ANKS1B: variants seen among roughly 807,000 people sequenced by gnomAD.
ANKS1B encodes the protein ankyrin repeat and sterile alpha motif domain-containing protein 1B.
ANKS1B carries 36 observed loss-of-function variants against 148.3 expected under a neutral mutation model. The ratio of observed to expected loss-of-function variants is 0.24; its 90% confidence interval spans 0.19 to 0.32. ANKS1B has a LOEUF of 0.32. Ranked by LOEUF, ANKS1B falls within the 10% of genes least tolerant of loss-of-function variation. ANKS1B has a pLI of 1.00. For missense variants in ANKS1B, 1,157 were observed against 1,542.6 expected, an observed-to-expected ratio of 0.75 and a Z score of 4.19; for synonymous variants, 542 against 560.8, an observed-to-expected ratio of 0.97 and a Z score of 0.47.
chr12:98,837,175 C>CAAA (rs11382425), intron 17 of ANKS1B, among the ~76,000 whole-genome samples: 15 of 145,706 alleles, frequency 1.0e-4, no homozygotes, highest in African/African-American at 3.3e-4. Context: ...ATTAAAAATA[C>CAAA]AAAAAAAAAA....
intron 9 of ANKS1B, among the ~76,000 whole-genome samples, chr12:99,563,393 C>T (rs753580226): frequency 1.2e-4 from 19 of 152,246 alleles, no homozygotes; most frequent in Non-Finnish European, 2.2e-4. Context: ...CACTTAAGAG[C>T]CCATTGCAGG....
intron 17 of ANKS1B, among the ~76,000 whole-genome samples, chr12:99,023,995 A>G (rs2099947305): frequency 6.6e-6 from 1 of 150,834 alleles, no homozygotes; most frequent in East Asian, 1.9e-4. Flanking sequence ...TTACATATAT[A>G]TATTTGTTGT....
At chr12:99,465,897 T>C (rs2096099178) in intron 10 of ANKS1B, among the ~76,000 whole-genome samples, 1 of 151,978 alleles carries the variant, frequency 6.6e-6, no homozygotes, top group Non-Finnish European at 1.5e-5. Context: ...GACAGAAAGT[T>C]AACAAGAATA....
chr12:98,813,228 T>C (rs1339581936), intron 19 of ANKS1B, among the ~76,000 whole-genome samples: 2 of 151,734 alleles, frequency 1.3e-5, no homozygotes, highest in East Asian at 3.9e-4. Context: ...TTTTTTTTTC[T>C]TGAGATGGAG....
At chr12:99,852,772 T>A (rs1185960302) in intron 1 of ANKS1B, among the ~76,000 whole-genome samples, 1 of 152,230 alleles carries the variant, frequency 6.6e-6, no homozygotes, top group Non-Finnish European at 1.5e-5. Flanking sequence ...GCAGAGGAAC[T>A]GTAAGTCTAC....
At chr12:99,141,416 TC>T (rs1439333654) in intron 15 of ANKS1B, among the ~76,000 whole-genome samples, 1 of 151,832 alleles carries the variant, frequency 6.6e-6, no homozygotes, top group East Asian at 1.9e-4. Context: ...TTTTTTTTTT[TC>T]ACCTTCAACT....
chr12:98,752,814 G>A (rs1227938742), intron 25 of ANKS1B, among the ~76,000 whole-genome samples: 1 of 152,102 alleles, frequency 6.6e-6, no homozygotes, highest in Non-Finnish European at 1.5e-5. Context: ...CTTCAACCTT[G>A]CCTGTGAGGA....
chr12:99,058,800 C>T (rs1336804604), intron 16 of ANKS1B, among the ~76,000 whole-genome samples: 3 of 130,264 alleles, frequency 2.3e-5, no homozygotes, highest in Non-Finnish European at 3.1e-5. Flanking sequence ...TGCAGTGGCG[C>T]GATCTCGGCT....
Position 99,984,380 on chromosome 12 carries a change from C to T in ANKS1B, c.-143G>A. 3 of 638,164 alleles carry T rather than the reference C, an allele frequency of 4.7e-6. No homozygotes were observed. The South Asian group carries it at 6.6e-5, about 14-fold the overall frequency. 39.5% of individuals were successfully genotyped at this position (638,164 alleles called of 1,614,324 possible). On this transcript the variant is annotated 5_prime_UTR_variant, in exon 1 of 27. Coordinates refer to ENST00000683438, the MANE Select transcript of ANKS1B (RefSeq NM_001352186.2). ...TCAGCACGGAGAGCTCCCTGCAGCC[C>T]CAGGCAGGGAGCACGACTCTCTCCT... is the stretch of plus-strand genomic sequence containing the variant.
chr12:99,803,297 A>G (rs1215504965), intron 4 of ANKS1B, among the ~76,000 whole-genome samples: 1 of 133,820 alleles, frequency 7.5e-6, no homozygotes, highest in African/African-American at 2.7e-5. Context: ...AAAAAAAGGC[A>G]ATGAGACCAA....
chr12:99,785,660 T>G (rs1270149699), intron 4 of ANKS1B, among the ~76,000 whole-genome samples: 1 of 152,156 alleles, frequency 6.6e-6, no homozygotes, highest in Non-Finnish European at 1.5e-5. Context: ...CTTGAACTCC[T>G]GACCTCAAAT....
Position 99,867,064 on chromosome 12 carries a change from C to T in ANKS1B, c.135-41675G>A, listed in dbSNP as rs1452548697. ...AGTAATCTCACAGTAATTTAAAGGTCAAAGTTTACAGTTATCTTAAATTTT... is the reference window on the plus strand; with the variant it reads ...AGTAATCTCACAGTAATTTAAAGGTTAAAGTTTACAGTTATCTTAAATTTT... On this transcript the variant is annotated intron_variant, in intron 1 of 26. Transcript: ENST00000683438. 2.6e-5 allele frequency among the ~76,000 whole-genome samples: 4 copies of T among 152,172 alleles called. No homozygotes were observed. In the East Asian group the frequency reaches 7.7e-4, roughly 29 times the overall value.
At chr12:99,841,287 C>T (rs574480817) in intron 1 of ANKS1B, among the ~76,000 whole-genome samples, 3 of 152,004 alleles carry the variant, frequency 2.0e-5, no homozygotes, top group South Asian at 2.1e-4. Flanking sequence ...ATATCTTTCA[C>T]GATGGTCATA....
intron 17 of ANKS1B, chr12:98,894,528 T>C: frequency 1.0e-6 from 1 of 973,218 alleles, no homozygotes; most frequent in Non-Finnish European, 1.2e-6. Context: ...CTTGCCCGAC[T>C]CGGCTTCCTC....
chr12:99,885,105 C>T (rs2092751847), intron 1 of ANKS1B, among the ~76,000 whole-genome samples: 1 of 151,896 alleles, frequency 6.6e-6, no homozygotes, highest in East Asian at 1.9e-4. Context: ...TTTCAAGATC[C>T]TGCCTTTTCA....
At chr12:98,984,487 G>A (rs1250823507) in intron 17 of ANKS1B, among the ~76,000 whole-genome samples, 1 of 152,152 alleles carries the variant, frequency 6.6e-6, no homozygotes, top group Non-Finnish European at 1.5e-5. Flanking sequence ...AAATCAGGCT[G>A]TAGCTTTAAC....
In ANKS1B at chr12:98,794,884, G is replaced by A. The variant is rs2098933676; in HGVS notation, c.3342+4050C>T. Reference sequence around the variant, plus strand: ...CAAGCAAAACATCCATCTTATCCGAGCCCCTCTTGCAGGCAAAGGGAAGCA... The same window carrying A: ...CAAGCAAAACATCCATCTTATCCGAACCCCTCTTGCAGGCAAAGGGAAGCA... On this transcript the variant is annotated intron_variant, in intron 22 of 26. Coordinates refer to ENST00000683438, the MANE Select transcript of ANKS1B (RefSeq NM_001352186.2). 5.0e-6 allele frequency: 8 copies of A among 1,597,776 alleles called. 1 individual carries two copies. The highest frequency in any genetic ancestry group is 6.8e-6 in the Non-Finnish European group (8 of 1,169,178).
At chr12:99,948,469 T>G (rs2095130617) in intron 1 of ANKS1B, among the ~76,000 whole-genome samples, 1 of 152,168 alleles carries the variant, frequency 6.6e-6, no homozygotes, top group South Asian at 2.1e-4. Context: ...TTAATTTAGA[T>G]ACAAAGAAAC....
intron 12 of ANKS1B, among the ~76,000 whole-genome samples, chr12:99,260,891 A>C (rs1256943960): frequency 6.6e-6 from 1 of 152,206 alleles, no homozygotes; most frequent in African/African-American, 2.4e-5. Flanking sequence ...CAGAAGCTGG[A>C]AAGATCCACT....
Sources: allele counts gnomAD v4.1 joint callset (sites outside exome capture counted in the v4.1 genomes callset), GRCh38; gene constraint gnomAD v4.1.1; transcripts MANE v1.5; gene names NCBI Gene and HGNC (gene_info 2026-07-23, HGNC 2026-07-21).